The following NCR1 variants were observed in gnomAD, a reference collection of about 807,000 sequenced individuals.
NCR1 encodes the protein natural cytotoxicity triggering receptor 1.
In NCR1, 30 loss-of-function variants were observed where a neutral mutation model predicts 32.5. The observed-to-expected ratio is 0.92, with a 90% CI of 0.69 to 1.25. The LOEUF (loss-of-function observed/expected upper bound fraction) is 1.25. NCR1 is among the 50% of genes most tolerant of loss of function. NCR1 has a pLI of 0.00. For synonymous variants in NCR1, 169 were observed against 143.4 expected, an observed-to-expected ratio of 1.18 and a Z score of -1.28; for missense variants, 369 against 380.7, an observed-to-expected ratio of 0.97 and a Z score of 0.26.
At chr19:54,905,653 A>G (rs975830879), upstream of NCR1, among the ~76,000 whole-genome samples, 12 of 152,310 alleles carry the variant, frequency 7.9e-5, no homozygotes, top group East Asian at 1.9e-4. Flanking sequence ...AAAGGGAGAG[A>G]TAAGGCTCAC....
the NCR1 span, among the ~76,000 whole-genome samples, chr19:54,922,548 C>T: frequency 1.3e-5 from 2 of 151,904 alleles, no homozygotes; most frequent in Admixed American, 6.6e-5. Context: ...GAGGCTGAGG[C>T]GGGTAGATCA....
the NCR1 span, among the ~76,000 whole-genome samples, chr19:54,937,178 A>ACT: frequency 1.3e-5 from 2 of 151,504 alleles, no homozygotes; most frequent in African/African-American, 4.9e-5. Context: ...AGATTGCTGC[A>ACT]CTGCACTCCA....
downstream of NCR1, among the ~76,000 whole-genome samples, chr19:54,916,338 T>TTTTTTTTTTTTTTTTTTTTTTTTG (rs1556721210): frequency 7.6e-6 from 1 of 132,024 alleles, no homozygotes; most frequent in African/African-American, 2.9e-5. Context: ...TTTTTTTTTT[T>TTTTTTTTTTTTTTTTTTTTTTTTG]GAGACGAAGT....
the NCR1 span, among the ~76,000 whole-genome samples, chr19:54,901,129 A>AAAAAAAAC: frequency 6.7e-6 from 1 of 149,234 alleles, no homozygotes; most frequent in African/African-American, 2.5e-5. Flanking sequence ...CTTTGAAAAA[A>AAAAAAAAC]AAAAAAAAAG....
At chr19:54,920,069 T>G (rs2146116801), downstream of NCR1, among the ~76,000 whole-genome samples, 1 of 152,298 alleles carries the variant, frequency 6.6e-6, no homozygotes, top group East Asian at 1.9e-4. Flanking sequence ...AAGATCTATA[T>G]CTGGTATAAC....
At chr19:54,903,030 T>A (rs1470771095), upstream of NCR1, among the ~76,000 whole-genome samples, 1 of 151,860 alleles carries the variant, frequency 6.6e-6, no homozygotes, top group African/African-American at 2.4e-5. Context: ...CTTGGGAGGC[T>A]AGAACAGGAG....
the NCR1 span, among the ~76,000 whole-genome samples, chr19:54,926,029 GAC>G: frequency 6.7e-6 from 1 of 149,674 alleles, no homozygotes; most frequent in Non-Finnish European, 1.5e-5. Context: ...CAAAAAAAAA[GAC>G]AGACTCCGTC....
the NCR1 span, among the ~76,000 whole-genome samples, chr19:54,934,203 C>T: frequency 1.7e-4 from 26 of 152,012 alleles, no homozygotes; most frequent in South Asian, 2.1e-4. The surrounding 1 kb of genome is among the most constrained non-coding windows in gnomAD (Gnocchi z 6.7). Flanking sequence ...GGCCTCCCAA[C>T]GTGCTGGGAT....
At chr19:54,937,069 C>T in the NCR1 span, among the ~76,000 whole-genome samples, 2 of 150,506 alleles carry the variant, frequency 1.3e-5, no homozygotes. Flanking sequence ...TTACAAAAAA[C>T]TAGCCGGGCG....
downstream of NCR1, chr19:54,913,197 AT>A: frequency 5.4e-6 from 1 of 183,934 alleles, no homozygotes; most frequent in Non-Finnish European, 1.1e-5. Flanking sequence ...AGTAGCTGGG[AT>A]TACAGGCATG....
chr19:54,916,002 G>A (rs1057394722), downstream of NCR1: 1 of 149,104 alleles, frequency 6.7e-6, no homozygotes, highest in African/African-American at 2.5e-5. Flanking sequence ...ATAAATGGTT[G>A]TATATTCCTA....
At chr19:54,912,317 C>A in intron 6 of NCR1, 99 bp downstream of exon 6, 1 of 1,216,522 alleles carries the variant, frequency 8.2e-7, no homozygotes, top group Non-Finnish European at 1.2e-6. Flanking sequence ...GTGTCCTTGG[C>A]CAGGCGCAGT....
chr19:54,937,085 G>C, the NCR1 span, among the ~76,000 whole-genome samples: 3 of 151,812 alleles, frequency 2.0e-5, no homozygotes, highest in African/African-American at 7.2e-5. Flanking sequence ...GGGCGTGGTG[G>C]CGGGCGCCTG....
At chr19:54,910,559 G>A (rs1569537272) in intron 5 of NCR1, among the ~76,000 whole-genome samples, 3 of 151,826 alleles carry the variant, frequency 2.0e-5, no homozygotes, top group South Asian at 4.2e-4. Flanking sequence ...ACGACACAGC[G>A]AGACTCCATC....
downstream of NCR1, among the ~76,000 whole-genome samples, chr19:54,920,114 C>T (rs1039972940): frequency 6.6e-6 from 1 of 152,160 alleles, no homozygotes; most frequent in Non-Finnish European, 1.5e-5. Flanking sequence ...ACTGGAACAG[C>T]TCGTGTCCTC....
chr19:54,928,314 G>A, the NCR1 span, among the ~76,000 whole-genome samples: 1 of 152,154 alleles, frequency 6.6e-6, no homozygotes, highest in African/African-American at 2.4e-5. Flanking sequence ...AGAATCGCCT[G>A]AACCAGGAGG....
At position 54,913,005 on chromosome 19, in the gene NCR1, T is replaced by C; in HGVS notation, c.*134T>C. The C allele has an allele frequency of 3.7e-6, 3 of 806,876 alleles. No individual in the cohort carries two copies. Among genetic ancestry groups the C allele is most frequent in the Admixed American group, 2.8e-5 (1 of 35,694 alleles). The allele number at this position is 806,876 out of a possible 1,614,324, so 50.0% of individuals were successfully genotyped here. A position where few individuals can be genotyped will look rare whatever the true frequency, so the allele number is the denominator to read the frequency against. Reference sequence around the variant, plus strand: ...AAGAGGGACACTGGCATTCCATTTGTCAGAGCATCCCGGACGATGCAGAGG... The same window carrying C: ...AAGAGGGACACTGGCATTCCATTTGCCAGAGCATCCCGGACGATGCAGAGG... On this transcript the variant is annotated 3_prime_UTR_variant, in exon 7 of 7. Transcript: ENST00000291890.
rs2068055511 is a variant in NCR1 at position 54,913,025 on chromosome 19, C to CAG, written c.*157_*158dup. ...ATTTGTCAGAGCATCCCGGACGATG[C>CAG]AGAGGGTGGGAGAACTACATGCTAA... On this transcript the variant is annotated 3_prime_UTR_variant, in exon 7 of 7. Coordinates refer to ENST00000291890, the MANE Select transcript of NCR1 (RefSeq NM_004829.7). 1 of 638,466 alleles carries CAG rather than the reference C, an allele frequency of 1.6e-6. No homozygotes were observed. Among genetic ancestry groups the CAG allele is most frequent in the African/African-American group, 1.9e-5 (1 of 53,510 alleles). The allele number at this position is 638,466 out of a possible 1,614,324, so 39.6% of individuals were successfully genotyped here. A position where few individuals can be genotyped will look rare whatever the true frequency, so the allele number is the denominator to read the frequency against.
chr19:54,909,952 A>AC, intron 4 of NCR1, 66 bp from the exon 5 acceptor site: 3 of 1,399,900 alleles, frequency 2.1e-6, no homozygotes, highest in Non-Finnish European at 3.0e-6. Flanking sequence ...AAAAAAAAAA[A>AC]AAAAGAATGG....
Sources: gnomAD v4.1 joint callset for allele counts (sites outside exome capture counted in the v4.1 genomes callset) on GRCh38, gnomAD v4.1.1 for gene constraint, Gnocchi (gnomAD v3.1) non-coding constraint, MANE v1.5 for transcripts, NCBI Gene and HGNC (gene_info 2026-07-23, HGNC 2026-07-21) for gene names.